Variants in DHDDS observed in about 807,000 individuals in gnomAD.
DHDDS encodes dehydrodolichyl diphosphate synthase complex subunit DHDDS.
A neutral mutation model predicts 46.2 loss-of-function variants in DHDDS; 16 were observed. The observed-to-expected ratio is 0.35, with a 90% CI of 0.23 to 0.53. DHDDS has a LOEUF of 0.53. Among genes scored for constraint, DHDDS ranks in the 20% least tolerant of loss-of-function variants. The probability of loss-of-function intolerance (pLI) is 0.94; values close to 1 mark genes in which losing one functional copy is unlikely to be tolerated. For synonymous variants in DHDDS, 151 were observed against 163.1 expected (o/e 0.93, Z 0.56); for missense variants, 340 against 423.7 (o/e 0.80, Z 1.73).
intron 3 of DHDDS, 101 bp from the exon 4 acceptor site, chr1:26,442,630 C>G (rs533220749): frequency 7.1e-7 from 1 of 1,409,858 alleles, no homozygotes; most frequent in East Asian, 2.3e-5. Flanking sequence ...GGAGAAAAGT[C>G]TGTCTCCTAT....
chr1:26,441,290 A>G (rs1570337036), intron 3 of DHDDS, among the ~76,000 whole-genome samples: 1 of 145,182 alleles, frequency 6.9e-6, no homozygotes, highest in East Asian at 2.1e-4. Flanking sequence ...ATCTCCACTC[A>G]CTGGTTCAAG....
intron 8 of DHDDS, chr1:26,467,605 C>T: frequency 6.7e-6 from 2 of 299,994 alleles, no homozygotes; most frequent in South Asian, 5.9e-5. Context: ...AGTGAGGCAA[C>T]AGATGAAGTG....
At chr1:26,462,040 G>A (rs2075428010) in intron 8 of DHDDS, among the ~76,000 whole-genome samples, 1 of 151,490 alleles carries the variant, frequency 6.6e-6, no homozygotes, top group Non-Finnish European at 1.5e-5. Flanking sequence ...ATGATGATTA[G>A]GATAATCACG....
At chr1:26,458,538 G>A (rs529563498) in intron 7 of DHDDS, among the ~76,000 whole-genome samples, 74 of 152,226 alleles carry the variant, frequency 4.9e-4, no homozygotes, top group African/African-American at 1.7e-3. Flanking sequence ...AGGAGTTTGA[G>A]ACCAGTCCAG....
rs1057515470 is a variant in DHDDS, at chr1:26,469,751, C to T, written c.*620C>T. On this transcript the variant is annotated 3_prime_UTR_variant, in exon 9 of 9. Coordinates refer to ENST00000236342, the MANE Select transcript of DHDDS (RefSeq NM_205861.3). ...GAAAGACTCAGCACCCCCAATGGTGCGCGGAAGCCAGGCGGGCGATTACAA... is the reference window on the plus strand; with the variant it reads ...GAAAGACTCAGCACCCCCAATGGTGTGCGGAAGCCAGGCGGGCGATTACAA... 11 of 159,470 alleles carry T rather than the reference C, an allele frequency of 6.9e-5. No individual in the cohort carries two copies. Among genetic ancestry groups the T allele is most frequent in the Admixed American group, 4.1e-4 (7 of 17,046 alleles). The allele number at this position is 159,470 out of a possible 1,614,324, so 9.9% of individuals were successfully genotyped here. A position where few individuals can be genotyped will look rare whatever the true frequency, so the allele number is the denominator to read the frequency against.
chr1:26,452,422 T>C (rs1489928532), intron 6 of DHDDS, among the ~76,000 whole-genome samples: 5 of 152,334 alleles, frequency 3.3e-5, no homozygotes, highest in Admixed American at 6.5e-5. Context: ...AGGAAGTAGA[T>C]TGAGACCAAA....
rs570520447 is a variant in DHDDS at position 26,458,765 on chromosome 1, A to G, written c.657+860A>G. Reference sequence around the variant, plus strand: ...AAAAAAAAAAAAAAAAAGAAAAGAAATAAGTACAATGTGCACCTATTGGTT... The same window carrying G: ...AAAAAAAAAAAAAAAAAGAAAAGAAGTAAGTACAATGTGCACCTATTGGTT... On this transcript the variant is annotated intron_variant, in intron 7 of 8. Transcript: ENST00000236342. Among the ~76,000 whole-genome samples, 7 of 151,986 alleles carry G rather than the reference A, an allele frequency of 4.6e-5. No homozygotes were observed. The East Asian group carries it at 1.4e-3, about 29-fold the overall frequency.
Position 26,469,642 on chromosome 1 carries a change from T to G in DHDDS, c.*511T>G. ...GGGAGAGACAGAAAATTTGCCCATC[T>G]GCTGCTCCTCCCCCTTGGCTCTCCA... On this transcript the variant is annotated 3_prime_UTR_variant, in exon 9 of 9. Coordinates refer to ENST00000236342, the MANE Select transcript of DHDDS (RefSeq NM_205861.3). 1.3e-5 allele frequency: 3 copies of G among 232,634 alleles called. No homozygotes were observed. The highest frequency in any genetic ancestry group is 1.0e-4 in the Admixed American group (2 of 19,584). The allele number at this position is 232,634 out of a possible 1,614,324, so 14.4% of individuals were successfully genotyped here.
At chr1:26,468,811 G>GGCCCC in intron 8 of DHDDS, 84 bp from the exon 9 acceptor site, 1 of 637,984 alleles carries the variant, frequency 1.6e-6, no homozygotes, top group Non-Finnish European at 2.6e-6. Context: ...CCCACCCTGT[G>GGCCCC]CCCCACCCCC....
At chr1:26,446,554 G>C in intron 5 of DHDDS, 122 bp downstream of exon 5, 1 of 848,400 alleles carries the variant, frequency 1.2e-6, no homozygotes, top group Non-Finnish European at 2.0e-6. Context: ...AGAGTAGGTT[G>C]AGCAGCTTAG....
chr1:26,436,645 G>C (rs1227391665), intron 2 of DHDDS, among the ~76,000 whole-genome samples: 4 of 151,218 alleles, frequency 2.6e-5, no homozygotes, highest in Non-Finnish European at 5.9e-5. Flanking sequence ...GGATGGGCTC[G>C]ATCTCCTGAC....
intron 4 of DHDDS, among the ~76,000 whole-genome samples, chr1:26,443,389 C>A (rs2075237784): frequency 6.6e-6 from 1 of 152,130 alleles, no homozygotes; most frequent in African/African-American, 2.4e-5. Context: ...TACTGTACTC[C>A]CCCTGCATAG....
chr1:26,452,517 A>G (rs893597139), intron 6 of DHDDS, among the ~76,000 whole-genome samples: 8 of 152,216 alleles, frequency 5.3e-5, no homozygotes, highest in African/African-American at 1.9e-4. Context: ...TTATAAAACA[A>G]TAGTGTTAAT....
At chr1:26,433,818 C>G (rs1020765463) in intron 2 of DHDDS, among the ~76,000 whole-genome samples, 4 of 152,274 alleles carry the variant, frequency 2.6e-5, no homozygotes, top group Admixed American at 2.6e-4. Flanking sequence ...TTACTGCAAC[C>G]TTCATCTGCC....
At chr1:26,449,887 G>A (rs2124446151) in intron 6 of DHDDS, among the ~76,000 whole-genome samples, 1 of 152,298 alleles carries the variant, frequency 6.6e-6, no homozygotes, top group African/African-American at 2.4e-5. Flanking sequence ...AGTGGATAGT[G>A]GTGCCCTTCA....
rs762788261 is a variant in DHDDS, at chr1:26,468,985, C to A, written c.856C>A (p.Leu286Ile). 5 of 1,614,040 alleles carry A rather than the reference C, an allele frequency of 3.1e-6. No homozygotes were observed. The East Asian group carries it at 1.1e-4, about 36-fold the overall frequency. Reference sequence around the variant, plus strand: ...GACAGAGCAGCTGCTGCGAGAGGGGCTCCAAGCCAGTGGGGACGCCCAGCT... The same window carrying A: ...GACAGAGCAGCTGCTGCGAGAGGGGATCCAAGCCAGTGGGGACGCCCAGCT... Reference protein sequence around the residue: ...TVTEQLLREGLQASGDAQLRR... With the variant: ...TVTEQLLREGIQASGDAQLRR... The change falls in exon 9 of 9, where the codon CTC (leucine) becomes ATC (isoleucine). Residue 286 changes from leucine to isoleucine, a missense_variant. By Grantham distance (5) the Leu-to-Ile change is conservative (BLOSUM62 2). Around this residue, in one of 2 missense-constraint regions of DHDDS, gnomAD observed 268 missense variants for 300.3 expected, o/e 0.89. Transcript: ENST00000236342.
chr1:26,469,063 G>A lies in DHDDS; in HGVS notation c.934G>A (p.Gly312Ser), dbSNP rs752410692. ...LSARREERVQGFLQALELKRA... is the reference protein window; with the variant it reads ...LSARREERVQSFLQALELKRA... ...GGCCAGACGGGAAGAGCGAGTCCAA[G>A]GCTTCCTGCAGGCCTTGGAACTCAA... The change falls in exon 9 of 9, where the codon GGC (glycine) becomes AGC (serine). Residue 312 changes from glycine (G) to serine (S), a missense_variant. Gly to Ser is a moderately conservative substitution (Grantham distance 56). This residue lies in a region of DHDDS where 268 missense variants were observed against 300.3 expected (regional missense o/e 0.89). Coordinates refer to ENST00000236342, the MANE Select transcript of DHDDS (RefSeq NM_205861.3). The A allele has an allele frequency of 6.2e-7, 1 of 1,613,624 alleles. No homozygotes were observed. The highest frequency in any genetic ancestry group is 8.5e-7 in the Non-Finnish European group (1 of 1,180,046).
intron 5 of DHDDS, 78 bp from the exon 6 acceptor site, chr1:26,447,480 AG>A: frequency 8.8e-7 from 1 of 1,134,804 alleles, no homozygotes; most frequent in Non-Finnish European, 1.3e-6. Context: ...AAAGGCTGGA[AG>A]GGCTTCTCTG....
In DHDDS at chr1:26,457,899, A is replaced by G. The variant is rs1296634591; in HGVS notation, c.651A>G (p.Leu217=). The change falls in exon 7 of 9, where the codon CTA becomes CTG. Residue 217 remains leucine (L), a synonymous_variant. Transcript: ENST00000236342. ...SGEVRLSDFL[L]WQTSHSCLVF... The stretch of plus-strand genomic sequence containing the variant: ...AAGTGCGGCTGAGTGACTTCTTGCT[A>G]TGGCAGGTAGGTCATTTCCAAGTAC... The G allele has an allele frequency of 9.3e-6, 15 of 1,613,004 alleles. No homozygotes were observed. Among genetic ancestry groups the G allele is most frequent in the African/African-American group, 5.3e-5 (4 of 74,852 alleles).
Sources: allele counts gnomAD v4.1 joint callset (sites outside exome capture counted in the v4.1 genomes callset), GRCh38; gene constraint gnomAD v4.1.1; regional missense constraint gnomAD v4.1.1; transcripts MANE v1.5; gene names NCBI Gene and HGNC (gene_info 2026-07-23, HGNC 2026-07-21).